SCHIP1: variants seen among roughly 807,000 people sequenced by gnomAD.
The protein encoded by SCHIP1 is schwannomin interacting protein 1.
In SCHIP1, 8 loss-of-function variants were observed where a neutral mutation model predicts 29.7. The observed-to-expected ratio is 0.27, with a 90% CI of 0.16 to 0.49. SCHIP1 has a LOEUF of 0.49. Among genes scored for constraint, SCHIP1 ranks in the 20% least tolerant of loss-of-function variants. The pLI, the probability that SCHIP1 is intolerant of heterozygous loss-of-function variation, is 0.99. For synonymous variants in SCHIP1, 76 were observed against 94.9 expected (o/e 0.80, Z 1.16); for missense variants, 193 against 294.6 (o/e 0.66, Z 2.52).
the SCHIP1 span, among the ~76,000 whole-genome samples, chr3:159,422,690 A>T: frequency 3.0e-4 from 45 of 152,320 alleles, no homozygotes; most frequent in African/African-American, 9.9e-4. Flanking sequence ...TGTAAATGGA[A>T]TCATACCTAT....
chr3:159,338,758 G>C, the SCHIP1 span, among the ~76,000 whole-genome samples: 1 of 152,118 alleles, frequency 6.6e-6, no homozygotes, highest in African/African-American at 2.4e-5. Flanking sequence ...TGAACATTCT[G>C]ATAATATATT....
chr3:159,425,352 C>A, the SCHIP1 span, among the ~76,000 whole-genome samples: 312 of 150,296 alleles, frequency 2.1e-3, no homozygotes, highest in African/African-American at 7.0e-3. Context: ...GGAAGATCTA[C>A]CAAGCAAATG....
intron 5 of SCHIP1, 139 bp downstream of exon 6, chr3:159,889,082 G>T: frequency 8.3e-7 from 1 of 1,209,782 alleles, no homozygotes; most frequent in South Asian, 1.8e-5. Flanking sequence ...GAATCACAAG[G>T]CTCTTTTTTG....
At chr3:159,727,731 T>G in the SCHIP1 span, among the ~76,000 whole-genome samples, 2 of 152,156 alleles carry the variant, frequency 1.3e-5, no homozygotes, top group African/African-American at 4.8e-5. Context: ...ACAGGGAATA[T>G]ACATTTGGTT....
the SCHIP1 span, among the ~76,000 whole-genome samples, chr3:159,714,809 C>T: frequency 1.3e-5 from 2 of 152,240 alleles, no homozygotes; most frequent in Non-Finnish European, 2.9e-5. Context: ...GTAGACTCCA[C>T]CTCTGGGAGC....
chr3:159,346,617 T>C, the SCHIP1 span, among the ~76,000 whole-genome samples: 1 of 152,102 alleles, frequency 6.6e-6, no homozygotes, highest in African/African-American at 2.4e-5. Context: ...AGCCGCATGA[T>C]TCATTTTGGA....
At chr3:159,554,986 C>G in the SCHIP1 span, among the ~76,000 whole-genome samples, 1 of 152,012 alleles carries the variant, frequency 6.6e-6, no homozygotes, top group Non-Finnish European at 1.5e-5. Context: ...GATACATTGT[C>G]TAATGAAAAG....
chr3:159,454,293 G>A, the SCHIP1 span, among the ~76,000 whole-genome samples: 23,334 of 152,066 alleles, frequency 0.15, 1,925 homozygotes, highest in Non-Finnish European at 0.17. Flanking sequence ...TTTGAGAACC[G>A]CTGACTTAGG....
the SCHIP1 span, among the ~76,000 whole-genome samples, chr3:159,420,469 A>G: frequency 6.6e-6 from 1 of 152,086 alleles, no homozygotes; most frequent in Non-Finnish European, 1.5e-5. Flanking sequence ...AAGAGTTAGG[A>G]ACAGGCTAGA....
the SCHIP1 span, among the ~76,000 whole-genome samples, chr3:159,604,203 C>T: frequency 3.9e-3 from 598 of 152,252 alleles, 6 homozygotes; most frequent in African/African-American, 0.014. Flanking sequence ...TTGAGTGAAA[C>T]GTAAGAATAA....
At chr3:159,382,911 A>C in the SCHIP1 span, among the ~76,000 whole-genome samples, 1 of 151,480 alleles carries the variant, frequency 6.6e-6, no homozygotes. Context: ...TCTTCTTTTG[A>C]GAAATGTCTG....
the SCHIP1 span, among the ~76,000 whole-genome samples, chr3:159,550,845 G>A: frequency 2.6e-5 from 4 of 152,066 alleles, no homozygotes; most frequent in Non-Finnish European, 4.4e-5. Context: ...AGTAAATAAT[G>A]AGAAATTAAT....
intron 2 of SCHIP1, among the ~76,000 whole-genome samples, chr3:159,868,221 A>G (rs1714864482): frequency 6.6e-6 from 1 of 151,400 alleles, no homozygotes. Context: ...GTATATGTAT[A>G]CTCCAGATAT....
chr3:159,776,608 A>T, the SCHIP1 span, among the ~76,000 whole-genome samples: 1,695 of 152,322 alleles, frequency 0.011, 11 homozygotes, highest in Non-Finnish European at 0.016. Flanking sequence ...CTCGTTCTAG[A>T]AGAACAACTT....
At chr3:159,718,568 A>G in the SCHIP1 span, among the ~76,000 whole-genome samples, 1 of 152,212 alleles carries the variant, frequency 6.6e-6, no homozygotes, top group Non-Finnish European at 1.5e-5. Flanking sequence ...AAAAATCACA[A>G]GCATTCTTAT....
At chr3:159,598,514 T>C in the SCHIP1 span, among the ~76,000 whole-genome samples, 1 of 152,168 alleles carries the variant, frequency 6.6e-6, no homozygotes, top group African/African-American at 2.4e-5. Context: ...AGCTCAAAAA[T>C]GATCTCCTTT....
At chr3:159,657,586 A>G in the SCHIP1 span, among the ~76,000 whole-genome samples, 1 of 152,236 alleles carries the variant, frequency 6.6e-6, no homozygotes, top group Non-Finnish European at 1.5e-5. Context: ...TATTGGCATA[A>G]GTTTCCTGCT....
the SCHIP1 span, among the ~76,000 whole-genome samples, chr3:159,631,239 T>G: frequency 6.6e-6 from 1 of 151,190 alleles, no homozygotes; most frequent in Non-Finnish European, 1.5e-5. Context: ...GCATTGCAGC[T>G]GGGAATGTAA....
chr3:159,581,437 A>G, the SCHIP1 span, among the ~76,000 whole-genome samples: 3 of 152,298 alleles, frequency 2.0e-5, no homozygotes, highest in East Asian at 5.8e-4. Flanking sequence ...TTTAGACAAT[A>G]ACCTTTCTAC....
Sources: allele counts gnomAD v4.1 joint callset (sites outside exome capture counted in the v4.1 genomes callset), GRCh38; gene constraint gnomAD v4.1.1; transcripts MANE v1.5; gene names NCBI Gene and HGNC (gene_info 2026-07-23, HGNC 2026-07-21).